UGP2: variants seen among roughly 807,000 people sequenced by gnomAD.
The protein encoded by UGP2 is UDP-glucose pyrophosphorylase 2, also known as UTP--glucose-1-phosphate uridylyltransferase.
A neutral mutation model predicts 49.0 loss-of-function variants in UGP2; 40 were observed. That is an observed-to-expected ratio of 0.82 (90% CI 0.63 to 1.06). The LOEUF (loss-of-function observed/expected upper bound fraction) is 1.06, where lower values mean the gene tolerates loss of function less well. UGP2 is among the 50% of genes least tolerant of loss of function. The pLI is 0.00. For synonymous variants in UGP2, 225 were observed against 213.0 expected (o/e 1.06, Z -0.49); for missense variants, 460 against 603.5 (o/e 0.76, Z 2.49).
chr2:63,863,613 T>C (rs896478975), intron 3 of UGP2, among the ~76,000 whole-genome samples: 1 of 152,214 alleles, frequency 6.6e-6, no homozygotes, highest in African/African-American at 2.4e-5. Flanking sequence ...TAAAATCAAC[T>C]TTTAATTTTA....
chr2:63,882,484 A>T lies in UGP2; in HGVS notation c.274A>T (p.Ile92Leu). 6.3e-7 allele frequency: 1 copy of T among 1,589,226 alleles called. No homozygotes were observed. Among genetic ancestry groups the T allele is most frequent in the Non-Finnish European group, 8.6e-7 (1 of 1,163,016 alleles). ...PEDSIQPYEK[I>L]KARGLPDNIS... ...CTTTCAGATTCAACCCTATGAAAAG[A>T]TAAAGGCCAGGGGCTTGCCTGATAA... The change falls in exon 4 of 10, where the codon ATA becomes TTA. Residue 92 changes from isoleucine (I) to leucine (L), a missense_variant. Physicochemically the swap from Ile to Leu is conservative, Grantham distance 5. Coordinates refer to ENST00000337130, the MANE Select transcript of UGP2 (RefSeq NM_006759.4).
chr2:63,871,528 C>T (rs994718339), intron 3 of UGP2, among the ~76,000 whole-genome samples: 24 of 152,320 alleles, frequency 1.6e-4, no homozygotes, highest in Non-Finnish European at 2.9e-4. Context: ...TCAGGTGATC[C>T]GCCCGCCTCG....
At chr2:63,872,041 A>G (rs570224342) in intron 3 of UGP2, among the ~76,000 whole-genome samples, 34 of 152,354 alleles carry the variant, frequency 2.2e-4, no homozygotes, top group Non-Finnish European at 3.8e-4. Context: ...TAAACGAATG[A>G]GTATGGCTAT....
rs1671577887 is a variant in UGP2 at position 63,841,991 on chromosome 2, G to C, written c.-195G>C. On this transcript the variant is annotated 5_prime_UTR_variant, in exon 1 of 10. Coordinates refer to ENST00000337130, the MANE Select transcript of UGP2 (RefSeq NM_006759.4). ...TTTCCGTCTTTTGGAATTGGGGAAG[G>C]AGTTTCTTTCTTTCTTTTCTTTTTT... 1 of 607,792 alleles carries C rather than the reference G, an allele frequency of 1.6e-6. No homozygotes were observed. The highest frequency in any genetic ancestry group is 2.5e-6 in the Non-Finnish European group (1 of 399,258). 37.6% of individuals were successfully genotyped at this position (607,792 alleles called of 1,614,324 possible). A position where few individuals can be genotyped will look rare whatever the true frequency, so the allele number is the denominator to read the frequency against.
At chr2:63,867,060 T>G (rs1670234865) in intron 3 of UGP2, among the ~76,000 whole-genome samples, 1 of 152,220 alleles carries the variant, frequency 6.6e-6, no homozygotes. Context: ...ATTTATGTTG[T>G]TTATTGTGTG....
chr2:63,870,812 T>C (rs1012789780), intron 3 of UGP2, among the ~76,000 whole-genome samples: 3 of 152,190 alleles, frequency 2.0e-5, no homozygotes, highest in Admixed American at 6.5e-5. Flanking sequence ...AGTCTTATAA[T>C]AGAGCCAGAG....
chr2:63,889,850 C>T (rs1288279199), intron 8 of UGP2: 3 of 414,112 alleles, frequency 7.2e-6, no homozygotes, highest in Non-Finnish European at 1.3e-5. Flanking sequence ...CTTAGATCTG[C>T]TCAACTATCT....
chr2:63,845,613 A>G (rs12612549), intron 1 of UGP2, among the ~76,000 whole-genome samples: 2 of 151,892 alleles, frequency 1.3e-5, no homozygotes, highest in East Asian at 3.9e-4. Context: ...ACTTGAGTAC[A>G]AGTTGGTGAC....
Position 63,850,642 on chromosome 2 carries a change from A to G in UGP2, c.20-5664A>G, listed in dbSNP as rs185143070. Among the ~76,000 whole-genome samples, 15 of 152,300 alleles carry G rather than the reference A, an allele frequency of 9.8e-5. No individual in the cohort carries two copies. The East Asian group carries it at 2.9e-3, about 29-fold the overall frequency. ...AGAAATTTAGTAGTCATTTGTCTAG[A>G]CTACCTATCTGTGTGAAACTTCTTT... On this transcript the variant is annotated intron_variant, in intron 1 of 9. Coordinates refer to ENST00000337130, the MANE Select transcript of UGP2 (RefSeq NM_006759.4).
intron 3 of UGP2, among the ~76,000 whole-genome samples, chr2:63,881,148 T>C (rs1465491449): frequency 1.3e-5 from 2 of 152,212 alleles, no homozygotes; most frequent in Non-Finnish European, 2.9e-5. Flanking sequence ...ACATAGTATA[T>C]TGCAGGGTAG....
intron 1 of UGP2, among the ~76,000 whole-genome samples, chr2:63,851,799 A>G (rs1373770627): frequency 6.6e-6 from 1 of 152,166 alleles, no homozygotes; most frequent in Non-Finnish European, 1.5e-5. Flanking sequence ...TAGGATATGC[A>G]GGGTTGGTTA....
intron 2 of UGP2, chr2:63,857,573 G>A: frequency 1.9e-6 from 1 of 514,540 alleles, no homozygotes; most frequent in Non-Finnish European, 3.8e-6. Flanking sequence ...CCATATTGCC[G>A]AGGCTGGTCT....
chr2:63,856,142 C>G (rs530111539), intron 1 of UGP2, 164 bp from the exon 2 acceptor site: 3 of 731,160 alleles, frequency 4.1e-6, no homozygotes, highest in African/African-American at 1.8e-5. Flanking sequence ...TGGAGTGAAA[C>G]GAGTCCTAAC....
At chr2:63,843,996 A>G (rs1575794411) in intron 1 of UGP2, among the ~76,000 whole-genome samples, 1 of 152,210 alleles carries the variant, frequency 6.6e-6, no homozygotes, top group East Asian at 1.9e-4. Flanking sequence ...CCTGGGCTCA[A>G]GCTGTCCTCC....
chr2:63,850,141 A>G (rs968452619), intron 1 of UGP2, among the ~76,000 whole-genome samples: 4 of 152,206 alleles, frequency 2.6e-5, no homozygotes, highest in African/African-American at 7.2e-5. Context: ...ACTCTATTGT[A>G]TAAGAGTAGG....
At chr2:63,875,468 T>A (rs1478704014) in intron 3 of UGP2, among the ~76,000 whole-genome samples, 1 of 152,230 alleles carries the variant, frequency 6.6e-6, no homozygotes, top group African/African-American at 2.4e-5. Context: ...TGTGATGAAT[T>A]TGGCTTTTCT....
chr2:63,890,055 T>G, intron 8 of UGP2, 26 bp from the exon 9 acceptor site: 2 of 1,561,910 alleles, frequency 1.3e-6, no homozygotes, highest in Non-Finnish European at 1.7e-6. Flanking sequence ...TTGAGACAAA[T>G]TTTTATGTTT....
intron 3 of UGP2, among the ~76,000 whole-genome samples, chr2:63,866,539 A>G (rs1397895262): frequency 2.6e-5 from 4 of 152,152 alleles, no homozygotes; most frequent in Non-Finnish European, 2.9e-5. Flanking sequence ...AGTATGAGTA[A>G]GAGTTTGCCC....
intron 3 of UGP2, among the ~76,000 whole-genome samples, chr2:63,858,541 AAAAT>A (rs1429670731): frequency 3.9e-5 from 6 of 152,110 alleles, no homozygotes; most frequent in South Asian, 2.1e-4. Flanking sequence ...AAAAAGCTAA[AAAAT>A]AAAAATCTCA....
Sources: gnomAD v4.1 joint callset for allele counts (sites outside exome capture counted in the v4.1 genomes callset) on GRCh38, gnomAD v4.1.1 for gene constraint, MANE v1.5 for transcripts, NCBI Gene and HGNC (gene_info 2026-07-23, HGNC 2026-07-21) for gene names.